CTNNBL1: variants seen among roughly 807,000 people sequenced by gnomAD.
The protein encoded by CTNNBL1 is beta-catenin-like protein 1.
In CTNNBL1, 31 loss-of-function variants were observed where a neutral mutation model predicts 72.7. That is an observed-to-expected ratio of 0.43 (90% CI 0.32 to 0.58). The LOEUF is 0.58. Ranked by LOEUF, CTNNBL1 falls within the 20% of genes least tolerant of loss-of-function variation. CTNNBL1 has a pLI of 0.08. For missense variants in CTNNBL1, 534 were observed against 725.1 expected, an observed-to-expected ratio of 0.74 and a Z score of 3.03; for synonymous variants, 240 against 267.3, an observed-to-expected ratio of 0.90 and a Z score of 1.00.
chr20:37,867,051 T>G (rs1326971143), intron 15 of CTNNBL1, among the ~76,000 whole-genome samples: 1 of 152,168 alleles, frequency 6.6e-6, no homozygotes, highest in Admixed American at 6.5e-5. Context: ...TCTCTGTAAG[T>G]GGGTTTCATT....
At chr20:37,826,405 A>G (rs971524963) in intron 11 of CTNNBL1, among the ~76,000 whole-genome samples, 1 of 152,210 alleles carries the variant, frequency 6.6e-6, no homozygotes, top group Non-Finnish European at 1.5e-5. Flanking sequence ...TGCTTAGACA[A>G]TGCTTGTGGA....
chr20:37,793,358 T>C (rs962056028), intron 10 of CTNNBL1, among the ~76,000 whole-genome samples: 3 of 152,240 alleles, frequency 2.0e-5, no homozygotes, highest in African/African-American at 4.8e-5. Flanking sequence ...ATCGACCCTT[T>C]TATTATTATG....
At chr20:37,826,041 A>T (rs1363741556) in intron 11 of CTNNBL1, among the ~76,000 whole-genome samples, 1 of 152,204 alleles carries the variant, frequency 6.6e-6, no homozygotes, top group Non-Finnish European at 1.5e-5. Context: ...CATCTGAGAT[A>T]TGGGCCTTCC....
At chr20:37,750,486 C>T (rs6096047) in intron 4 of CTNNBL1, 1 of 152,080 alleles carries the variant, frequency 6.6e-6, no homozygotes, top group Admixed American at 6.5e-5. Context: ...TCTTGTGAAC[C>T]TTTTAGAGTG....
At chr20:37,800,850 A>G (rs1407955489) in intron 10 of CTNNBL1, among the ~76,000 whole-genome samples, 1 of 152,176 alleles carries the variant, frequency 6.6e-6, no homozygotes, top group East Asian at 1.9e-4. Flanking sequence ...TCGCCTGTCT[A>G]CAGTTCATTT....
At chr20:37,694,217 G>A in intron 1 of CTNNBL1, 65 bp downstream of exon 1, 15 of 1,446,740 alleles carry the variant, frequency 1.0e-5, no homozygotes, top group South Asian at 2.6e-5. Context: ...AGGAGCCAGA[G>A]CCCTTTCATC....
intron 12 of CTNNBL1, among the ~76,000 whole-genome samples, chr20:37,841,627 A>G (rs767143587): frequency 2.0e-5 from 3 of 152,148 alleles, no homozygotes; most frequent in Non-Finnish European, 2.9e-5. Context: ...GGTGGTGCCA[A>G]CCTGATAAAA....
intron 13 of CTNNBL1, among the ~76,000 whole-genome samples, chr20:37,857,344 G>A (rs1600532784): frequency 6.6e-6 from 1 of 152,206 alleles, no homozygotes; most frequent in East Asian, 1.9e-4. Context: ...GCAGGGCCTA[G>A]CAGTCTGCAG....
rs574132897 is a variant in CTNNBL1 at position 37,718,547 on chromosome 20, C to T, written c.31-14332C>T. Among the ~76,000 whole-genome samples, 337 of 148,062 alleles carry T rather than the reference C, an allele frequency of 2.3e-3. 2 individuals are homozygous for T. Among genetic ancestry groups the T allele is most frequent in the African/African-American group, 8.0e-3 (319 of 39,884 alleles). ...CCCAGTAGGGGCGGCCGGGCAGAGGCGCCCCTCACCTCCCCGACAGGGCGG... is the reference window on the plus strand; with the variant it reads ...CCCAGTAGGGGCGGCCGGGCAGAGGTGCCCCTCACCTCCCCGACAGGGCGG... On this transcript the variant is annotated intron_variant, in intron 1 of 15. Coordinates refer to ENST00000361383, the MANE Select transcript of CTNNBL1 (RefSeq NM_030877.5).
At chr20:37,867,854 A>T (rs886138809) in intron 15 of CTNNBL1, among the ~76,000 whole-genome samples, 1 of 152,188 alleles carries the variant, frequency 6.6e-6, no homozygotes, top group Non-Finnish European at 1.5e-5. Context: ...GGACTCTGCC[A>T]TAGAAACAAA....
At chr20:37,856,396 G>A (rs952103007) in intron 13 of CTNNBL1, among the ~76,000 whole-genome samples, 1 of 152,042 alleles carries the variant, frequency 6.6e-6, no homozygotes, top group Non-Finnish European at 1.5e-5. Context: ...GGGGGTTGAA[G>A]GACTGAAAAA....
chr20:37,717,820 T>C (rs999187149), intron 1 of CTNNBL1, among the ~76,000 whole-genome samples: 86 of 152,108 alleles, frequency 5.7e-4, no homozygotes, highest in Non-Finnish European at 4.6e-4. Flanking sequence ...TTAAGGAGCA[T>C]GCTGCCTTCA....
rs781532775 is a variant in CTNNBL1 at position 37,757,631 on chromosome 20, G to A, written c.539G>A (p.Gly180Glu). The A allele has an allele frequency of 6.2e-7, 1 of 1,613,670 alleles. No homozygotes were observed. Among genetic ancestry groups the A allele is most frequent in the Non-Finnish European group, 8.5e-7 (1 of 1,179,660 alleles). Residue 180 changes from glycine (G) to glutamate (E), a missense_variant, in exon 5 of 16, where the codon GGA (glycine) becomes GAA (glutamate). Physicochemically the swap from Gly to Glu is moderately conservative, Grantham distance 98. Transcript: ENST00000361383. ...DIDTLHESEE[G>E]AEVLIDALVD... ...GACACCCTCCATGAGAGTGAAGAGG[G>A]AGCAGAAGTGCTCATCGATGCTCTG...
At chr20:37,740,888 G>T (rs151089564) in intron 3 of CTNNBL1, among the ~76,000 whole-genome samples, 1 of 152,302 alleles carries the variant, frequency 6.6e-6, no homozygotes, top group African/African-American at 2.4e-5. Context: ...CCATCCTGGG[G>T]TCCTAGGACT....
chr20:37,695,626 A>G (rs185501367), intron 1 of CTNNBL1, among the ~76,000 whole-genome samples: 65 of 152,340 alleles, frequency 4.3e-4, no homozygotes, highest in Middle Eastern at 6.8e-3. Flanking sequence ...AGTCAAGAAT[A>G]GGTGATTAAG....
intron 10 of CTNNBL1, among the ~76,000 whole-genome samples, chr20:37,787,348 T>TG (rs1461169583): frequency 1.4e-5 from 2 of 146,638 alleles, no homozygotes; most frequent in African/African-American, 2.6e-5. Flanking sequence ...TGTGTGTTTT[T>TG]TTTTTTTTTT....
intron 11 of CTNNBL1, among the ~76,000 whole-genome samples, chr20:37,819,985 C>T (rs1176043472): frequency 2.6e-5 from 4 of 151,630 alleles, no homozygotes. Context: ...AGCGATTCTC[C>T]TGCTTCAGCT....
chr20:37,838,788 G>A (rs1050519432), intron 11 of CTNNBL1, among the ~76,000 whole-genome samples: 8 of 152,222 alleles, frequency 5.3e-5, no homozygotes, highest in African/African-American at 1.9e-4. Flanking sequence ...TCAGGAGGCT[G>A]AGGCAGAAGG....
chr20:37,729,349 T>C (rs540276945), intron 1 of CTNNBL1, among the ~76,000 whole-genome samples: 20 of 152,298 alleles, frequency 1.3e-4, no homozygotes, highest in African/African-American at 4.8e-4. Flanking sequence ...GTGGTGAAGA[T>C]TGAAGTTCTG....
Sources: allele counts gnomAD v4.1 joint callset (sites outside exome capture counted in the v4.1 genomes callset), GRCh38; gene constraint gnomAD v4.1.1; transcripts MANE v1.5; gene names NCBI Gene and HGNC (gene_info 2026-07-23, HGNC 2026-07-21).